MEMO1: variants seen among roughly 807,000 people sequenced by gnomAD.
The protein encoded by MEMO1 is protein MEMO1.
Under a neutral mutation model 45.2 loss-of-function variants are expected in MEMO1, and 6 were observed. That is an observed-to-expected ratio of 0.13 (90% confidence interval 0.07 to 0.26). The LOEUF (loss-of-function observed/expected upper bound fraction) is 0.26, where lower values mean the gene tolerates loss of function less well. Among genes scored for constraint, MEMO1 ranks in the 10% least tolerant of loss-of-function variants. The probability of loss-of-function intolerance (pLI) is 1.00; values close to 1 mark genes in which losing one functional copy is unlikely to be tolerated. For missense variants in MEMO1, 184 were observed against 370.5 expected, an observed-to-expected ratio of 0.50 and a Z score of 4.13; for synonymous variants, 78 against 124.3, an observed-to-expected ratio of 0.63 and a Z score of 2.48.
At chr2:31,969,580 TGTGTGG>T (rs879352740) in intron 2 of MEMO1, among the ~76,000 whole-genome samples, 3,079 of 116,740 alleles carry the variant, frequency 0.026, 87 homozygotes, top group African/African-American at 0.075. Flanking sequence ...TGGGGGTGTG[TGTGTGG>T]GTGTGTGTGT....
At chr2:31,904,778 G>T (rs1245052178) in intron 6 of MEMO1, among the ~76,000 whole-genome samples, 4 of 152,176 alleles carry the variant, frequency 2.6e-5, no homozygotes. Flanking sequence ...GGTGTTAAAG[G>T]CAAAGTGATA....
chr2:32,010,075 G>A (rs1179861518), intron 2 of MEMO1, 112 bp downstream of exon 2: 2 of 399,136 alleles, frequency 5.0e-6, no homozygotes, highest in Non-Finnish European at 6.7e-6. Flanking sequence ...CGGCCCGTCC[G>A]CGCCCTCTTC....
intron 2 of MEMO1, among the ~76,000 whole-genome samples, chr2:31,947,113 A>T (rs1312818799): frequency 2.0e-5 from 3 of 152,192 alleles, no homozygotes; most frequent in Non-Finnish European, 4.4e-5. Flanking sequence ...GTGATTAAGT[A>T]ACACGACTGT....
At chr2:32,008,691 T>C (rs1318179762) in intron 2 of MEMO1, among the ~76,000 whole-genome samples, 1 of 152,228 alleles carries the variant, frequency 6.6e-6, no homozygotes, top group Admixed American at 6.5e-5. Flanking sequence ...TATGAAGTAC[T>C]TTAGGACCAT....
chr2:31,879,827 T>C (rs1675090567), intron 8 of MEMO1, among the ~76,000 whole-genome samples: 1 of 152,152 alleles, frequency 6.6e-6, no homozygotes, highest in Non-Finnish European at 1.5e-5. Context: ...TATCAAAAAG[T>C]GCAGTTCTAA....
intron 7 of MEMO1, among the ~76,000 whole-genome samples, chr2:31,890,055 G>A (rs1261001445): frequency 6.6e-6 from 1 of 152,036 alleles, no homozygotes; most frequent in East Asian, 1.9e-4. Context: ...ACAAATTTAT[G>A]TTTCTCTCTC....
At chr2:31,956,896 C>T (rs1667470707) in intron 2 of MEMO1, among the ~76,000 whole-genome samples, 1 of 152,132 alleles carries the variant, frequency 6.6e-6, no homozygotes, top group Non-Finnish European at 1.5e-5. Flanking sequence ...CTAATCCCAG[C>T]ACTTTGGGAG....
chr2:31,989,120 C>T (rs1206254266), intron 2 of MEMO1, among the ~76,000 whole-genome samples: 1 of 151,880 alleles, frequency 6.6e-6, no homozygotes, highest in Non-Finnish European at 1.5e-5. Flanking sequence ...GCAGGGGAAT[C>T]GCTTGAACCC....
chr2:31,957,877 G>A (rs1453650761), intron 2 of MEMO1, among the ~76,000 whole-genome samples: 1 of 152,178 alleles, frequency 6.6e-6, no homozygotes, highest in East Asian at 1.9e-4. Context: ...TTGGTTTTGG[G>A]TATTTGTTGT....
chr2:31,967,438 A>AT (rs1205044174), intron 2 of MEMO1, among the ~76,000 whole-genome samples: 1 of 151,824 alleles, frequency 6.6e-6, no homozygotes, highest in Non-Finnish European at 1.5e-5. Context: ...GTCAGTAACT[A>AT]TTTTTAATAA....
intron 8 of MEMO1, among the ~76,000 whole-genome samples, chr2:31,879,484 A>G (rs1675037783): frequency 6.6e-6 from 1 of 152,156 alleles, no homozygotes; most frequent in South Asian, 2.1e-4. Context: ...TCATACACCA[A>G]TAATTTCAAA....
chr2:31,929,723 G>A (rs1221466804), intron 4 of MEMO1, among the ~76,000 whole-genome samples: 2 of 152,174 alleles, frequency 1.3e-5, no homozygotes, highest in Non-Finnish European at 2.9e-5. Flanking sequence ...AGATGATCCT[G>A]GCTGAAATAT....
At chr2:31,982,876 G>T (rs1239878390) in intron 2 of MEMO1, among the ~76,000 whole-genome samples, 29 of 152,018 alleles carry the variant, frequency 1.9e-4, no homozygotes, top group Admixed American at 1.9e-3. Context: ...TAAGTACAGG[G>T]AAAACAGTAA....
chr2:31,952,170 C>T (rs182944576), intron 2 of MEMO1, among the ~76,000 whole-genome samples: 1 of 152,042 alleles, frequency 6.6e-6, no homozygotes, highest in South Asian at 2.1e-4. Flanking sequence ...TGAAAAACAC[C>T]GACTGTTCGC....
intron 3 of MEMO1, among the ~76,000 whole-genome samples, chr2:31,937,778 T>G (rs1340290763): frequency 6.6e-6 from 1 of 152,192 alleles, no homozygotes; most frequent in African/African-American, 2.4e-5. Flanking sequence ...GGCTTCAATA[T>G]TCAAAGTACC....
At chr2:31,896,269 T>G (rs1327937520) in intron 6 of MEMO1, among the ~76,000 whole-genome samples, 1 of 152,182 alleles carries the variant, frequency 6.6e-6, no homozygotes, top group Non-Finnish European at 1.5e-5. Flanking sequence ...AATGAACTTG[T>G]CTCTTTGCTT....
intron 2 of MEMO1, among the ~76,000 whole-genome samples, chr2:31,991,473 A>C (rs1428462552): frequency 6.6e-6 from 1 of 151,920 alleles, no homozygotes; most frequent in East Asian, 1.9e-4. Context: ...TGGGAGACTA[A>C]GGCAGGAGAA....
At chr2:31,931,835 C>G (rs1664215201) in intron 4 of MEMO1, among the ~76,000 whole-genome samples, 3 of 152,060 alleles carry the variant, frequency 2.0e-5, no homozygotes, top group African/African-American at 4.8e-5. Flanking sequence ...ACCTTCATAA[C>G]TAAACATTTT....
At position 31,948,710 on chromosome 2, in the gene MEMO1, C is replaced by T. The variant is rs183393769; in HGVS notation, c.62-5327G>A. ...GGTCAGCAGATTGAGATCAGCTTGG[C>T]CAACGTGCCGAAACCCCGTCTCTAC... On this transcript the variant is annotated intron_variant, in intron 2 of 9. Transcript: ENST00000404530. Among the ~76,000 whole-genome samples the T allele has an allele frequency of 1.6e-3, 242 of 152,276 alleles. 1 individual carries two copies. Among genetic ancestry groups the T allele is most frequent in the African/African-American group, 5.4e-3 (224 of 41,560 alleles).
Sources: allele counts gnomAD v4.1 joint callset (sites outside exome capture counted in the v4.1 genomes callset), GRCh38; gene constraint gnomAD v4.1.1; transcripts MANE v1.5; gene names NCBI Gene and HGNC (gene_info 2026-07-23, HGNC 2026-07-21).